Variants in FHIT observed in about 807,000 individuals in gnomAD.
FHIT encodes the protein fragile histidine triad diadenosine triphosphatase, also known as bis(5'-adenosyl)-triphosphatase.
Under a neutral mutation model 17.9 loss-of-function variants are expected in FHIT, and 19 were observed. The observed-to-expected ratio is 1.06, with a 90% CI of 0.74 to 1.56. The LOEUF is 1.56. Ranked by LOEUF, FHIT falls within the 40% of genes most tolerant of loss-of-function variation. The pLI, the probability that FHIT is intolerant of heterozygous loss-of-function variation, is 0.00. For missense variants in FHIT, 248 were observed against 189.2 expected, an observed-to-expected ratio of 1.31 and a Z score of -1.82; for synonymous variants, 81 against 69.7, an observed-to-expected ratio of 1.16 and a Z score of -0.81.
chr3:60,435,522 T>C (rs148538145), intron 5 of FHIT, among the ~76,000 whole-genome samples: 4 of 152,214 alleles, frequency 2.6e-5, no homozygotes, highest in African/African-American at 7.2e-5. Flanking sequence ...TTTGGTTACA[T>C]TGGCGAGGAA....
rs190172598 is a variant in FHIT at position 61,099,046 on chromosome 3, G to A, written c.-163-56947C>T. Among the ~76,000 whole-genome samples the A allele has an allele frequency of 1.2e-3, 185 of 152,244 alleles. 2 individuals carry two copies. The Middle Eastern group carries it at 0.014, about 11-fold the overall frequency. ...GCTTTGCCCATTTAGTATGATGTTGGCTGTCTGTTTGCCATAGGTGGCTCT... is the reference window on the plus strand; with the variant it reads ...GCTTTGCCCATTTAGTATGATGTTGACTGTCTGTTTGCCATAGGTGGCTCT... On this transcript the variant is annotated intron_variant, in intron 2 of 9. Coordinates refer to ENST00000492590, the MANE Select transcript of FHIT (RefSeq NM_002012.4).
chr3:59,973,620 A>T (rs1236473245), intron 7 of FHIT, among the ~76,000 whole-genome samples: 1 of 152,140 alleles, frequency 6.6e-6, no homozygotes, highest in African/African-American at 2.4e-5. Context: ...TAAGTTTTTT[A>T]TTAATTTCCT....
chr3:60,445,466 A>AAAG (rs1182950969), intron 5 of FHIT, among the ~76,000 whole-genome samples: 7 of 144,198 alleles, frequency 4.9e-5, no homozygotes, highest in African/African-American at 1.1e-4. Context: ...ACTTTTATAA[A>AAAG]AAGAAGAAGA....
chr3:60,050,728 C>T (rs1701837374), intron 5 of FHIT, among the ~76,000 whole-genome samples: 1 of 152,114 alleles, frequency 6.6e-6, no homozygotes, highest in Non-Finnish European at 1.5e-5. Flanking sequence ...ATCTCATATT[C>T]TCAACTAGTT....
intron 5 of FHIT, among the ~76,000 whole-genome samples, chr3:60,380,430 C>G (rs550031104): frequency 6.6e-6 from 1 of 152,174 alleles, no homozygotes; most frequent in Admixed American, 6.5e-5. Flanking sequence ...ACCAAACAAA[C>G]CTCTTTTCAT....
intron 3 of FHIT, among the ~76,000 whole-genome samples, chr3:60,998,041 T>C (rs1024013767): frequency 2.2e-4 from 34 of 152,196 alleles, no homozygotes; most frequent in Admixed American, 3.9e-4. Flanking sequence ...TTTAGCCATT[T>C]TGATGATGAA....
rs1708510277 is a variant in FHIT, at chr3:60,943,661, C to G, written c.-111+98386G>C. 2.6e-5 allele frequency among the ~76,000 whole-genome samples: 4 copies of G among 152,238 alleles called. No individual in the cohort carries two copies. In the South Asian group the frequency reaches 6.2e-4, roughly 24 times the overall value. ...TTTCAACTAATTAATCTACAGCTTC[C>G]TAAAAGTCAGTAATTATGGCCTCTC... On this transcript the variant is annotated intron_variant, in intron 3 of 9. Coordinates refer to ENST00000492590, the MANE Select transcript of FHIT (RefSeq NM_002012.4).
chr3:60,293,266 T>C (rs533197701), intron 5 of FHIT, among the ~76,000 whole-genome samples: 4 of 152,266 alleles, frequency 2.6e-5, no homozygotes, highest in East Asian at 1.9e-4. Flanking sequence ...GTTCTGACCA[T>C]TGGGGAATCT....
chr3:60,488,368 C>T (rs774295557), intron 5 of FHIT, among the ~76,000 whole-genome samples: 18 of 152,148 alleles, frequency 1.2e-4, no homozygotes, highest in Non-Finnish European at 2.4e-4. Flanking sequence ...GTTTAGAAAA[C>T]CTCTTAACAG....
At chr3:60,662,424 G>C (rs554524350) in intron 4 of FHIT, among the ~76,000 whole-genome samples, 1 of 152,300 alleles carries the variant, frequency 6.6e-6, no homozygotes, top group Admixed American at 6.5e-5. Context: ...CCAGTACCAT[G>C]CTGTTTTGGT....
intron 8 of FHIT, among the ~76,000 whole-genome samples, chr3:59,879,775 G>A (rs78552527): frequency 1.3e-5 from 2 of 152,296 alleles, no homozygotes; most frequent in African/African-American, 4.8e-5. Context: ...AATAGTGGAG[G>A]GTTCCTCATA....
At chr3:61,201,381 C>A (rs925481034) in intron 1 of FHIT, among the ~76,000 whole-genome samples, 2 of 152,170 alleles carry the variant, frequency 1.3e-5, no homozygotes, top group African/African-American at 4.8e-5. Flanking sequence ...TATCGTGAAG[C>A]TGGTTCTTTA....
At chr3:60,542,644 C>T (rs559524835) in intron 4 of FHIT, among the ~76,000 whole-genome samples, 1 of 151,864 alleles carries the variant, frequency 6.6e-6, no homozygotes, top group Non-Finnish European at 1.5e-5. Context: ...TTGTAGAGTC[C>T]CTTGTATATT....
At chr3:60,501,346 A>C (rs1189312094) in intron 5 of FHIT, among the ~76,000 whole-genome samples, 1 of 152,234 alleles carries the variant, frequency 6.6e-6, no homozygotes, top group East Asian at 1.9e-4. Flanking sequence ...CAGTAATTTG[A>C]GTCACAGACT....
rs115270848 is a variant in FHIT at position 60,976,066 on chromosome 3, A to T, written c.-111+65981T>A. The stretch of plus-strand genomic sequence containing the variant: ...GCTTTCTTCAGGATAACACCTCCAA[A>T]CATACTTTGTATCTTTCGTTTTTCT... On this transcript the variant is annotated intron_variant, in intron 3 of 9. Transcript: ENST00000492590. Among the ~76,000 whole-genome samples, 1,293 of 141,938 alleles carry T rather than the reference A, an allele frequency of 9.1e-3. 26 individuals are homozygous for T. The highest frequency in any genetic ancestry group is 0.031 in the African/African-American group (1,205 of 38,510). The allele number at this position is 141,938 out of a possible 152,430, so 93.1% of individuals were successfully genotyped here.
chr3:60,475,217 A>G (rs565037067), intron 5 of FHIT, among the ~76,000 whole-genome samples: 6 of 152,278 alleles, frequency 3.9e-5, no homozygotes, highest in African/African-American at 1.4e-4. Context: ...ACATTTCTAT[A>G]AAGTAGGTAT....
intron 4 of FHIT, among the ~76,000 whole-genome samples, chr3:60,708,959 G>T (rs577481320): frequency 6.6e-6 from 1 of 152,116 alleles, no homozygotes; most frequent in Admixed American, 6.5e-5. Flanking sequence ...TTTGTTTCTG[G>T]CAACTGGGTT....
At chr3:60,857,537 T>TC (rs1559775539) in intron 3 of FHIT, among the ~76,000 whole-genome samples, 47 of 152,004 alleles carry the variant, frequency 3.1e-4, no homozygotes, top group African/African-American at 1.1e-3. Context: ...AGATAATACA[T>TC]GGAAAGCTTT....
intron 3 of FHIT, among the ~76,000 whole-genome samples, chr3:61,002,476 G>A (rs2031159951): frequency 6.6e-6 from 1 of 152,010 alleles, no homozygotes; most frequent in Admixed American, 6.6e-5. Context: ...TGCCCTAGCT[G>A]GTTTCAAACT....
Sources: allele counts gnomAD v4.1 joint callset (sites outside exome capture counted in the v4.1 genomes callset), GRCh38; gene constraint gnomAD v4.1.1; transcripts MANE v1.5; gene names NCBI Gene and HGNC (gene_info 2026-07-23, HGNC 2026-07-21).